The following PCCA variants were observed in gnomAD, a reference collection of about 807,000 sequenced individuals.
The protein encoded by PCCA is propionyl-CoA carboxylase alpha chain, mitochondrial.
PCCA carries 74 observed loss-of-function variants against 101.3 expected under a neutral mutation model. That is an observed-to-expected ratio of 0.73 (90% CI 0.61 to 0.89). The LOEUF (loss-of-function observed/expected upper bound fraction) is 0.89. Ranked by LOEUF, PCCA falls within the 40% of genes least tolerant of loss-of-function variation. The pLI, the probability that PCCA is intolerant of heterozygous loss-of-function variation, is 0.00. For missense variants in PCCA, 891 were observed against 907.0 expected (o/e 0.98, Z 0.23); for synonymous variants, 294 against 313.6 (o/e 0.94, Z 0.66).
rs779935866 is a variant in PCCA at position 100,368,533 on chromosome 13, G to C, written c.1705G>C (p.Val569Leu). 7 of 1,610,766 alleles carry C rather than the reference G, an allele frequency of 4.3e-6. No individual in the cohort carries two copies. Among genetic ancestry groups the C allele is most frequent in the Non-Finnish European group, 5.1e-6 (6 of 1,177,966 alleles). ...GCTCTCAGTAAAATTGCATGATAAA[G>C]TTCATACCGTAGTAGCATCAAACAA... ...WELSVKLHDKVHTVVASNNGS... is the reference protein window; with the variant it reads ...WELSVKLHDKLHTVVASNNGS... Residue 569 changes from valine (V) to leucine (L), a missense_variant, in exon 19 of 24, where the codon GTT becomes CTT. Val to Leu is a conservative substitution (Grantham distance 32, BLOSUM62 1). Coordinates refer to ENST00000376285, the MANE Select transcript of PCCA (RefSeq NM_000282.4).
At chr13:100,112,099 T>G in intron 4 of PCCA, 38 bp downstream of exon 4, 1 of 1,490,836 alleles carries the variant, frequency 6.7e-7, no homozygotes, top group Non-Finnish European at 9.3e-7. Context: ...CAGGACTTAA[T>G]TTTGGGTCAA....
At chr13:100,127,397 G>A (rs2050059901) in intron 4 of PCCA, among the ~76,000 whole-genome samples, 1 of 151,994 alleles carries the variant, frequency 6.6e-6, no homozygotes, top group South Asian at 2.1e-4. Flanking sequence ...GTGAAATATT[G>A]TATTAATATA....
At chr13:100,488,644 G>GT (rs1186017014) in intron 21 of PCCA, among the ~76,000 whole-genome samples, 3,695 of 64,800 alleles carry the variant, frequency 0.057, 156 homozygotes, top group African/African-American at 0.18. Context: ...TTTTTTTTTT[G>GT]TTTTTTTTTT....
At chr13:100,382,977 G>A (rs2076312819) in intron 19 of PCCA, among the ~76,000 whole-genome samples, 1 of 152,010 alleles carries the variant, frequency 6.6e-6, no homozygotes, top group African/African-American at 2.4e-5. Flanking sequence ...GTTCCTCTTG[G>A]GGGAGATGAC....
chr13:100,285,469 A>G (rs1014411983), intron 12 of PCCA, among the ~76,000 whole-genome samples: 2 of 152,192 alleles, frequency 1.3e-5, no homozygotes, highest in African/African-American at 4.8e-5. Context: ...TAGTAGCAAA[A>G]GGCTGGCCTC....
intron 21 of PCCA, among the ~76,000 whole-genome samples, chr13:100,509,046 T>G (rs1470341610): frequency 6.6e-6 from 1 of 152,176 alleles, no homozygotes; most frequent in Non-Finnish European, 1.5e-5. Flanking sequence ...CTCTGGACTT[T>G]CCCCTCCCAA....
intron 12 of PCCA, among the ~76,000 whole-genome samples, chr13:100,278,214 T>C (rs572960456): frequency 1.3e-5 from 2 of 152,360 alleles, no homozygotes; most frequent in East Asian, 3.9e-4. Flanking sequence ...GTGAAGACTT[T>C]ATTTTGTCAT....
chr13:100,093,253 C>T (rs553856065), intron 1 of PCCA, among the ~76,000 whole-genome samples: 44 of 152,128 alleles, frequency 2.9e-4, no homozygotes, highest in Admixed American at 1.4e-3. Context: ...GCCAGGGATA[C>T]GAGGCTAGAG....
At chr13:100,090,304 G>C (rs1051193342) in intron 1 of PCCA, among the ~76,000 whole-genome samples, 1 of 152,156 alleles carries the variant, frequency 6.6e-6, no homozygotes, top group East Asian at 1.9e-4. Context: ...CCAATTCAGC[G>C]TGCGGACTTT....
chr13:100,366,495 G>A (rs974502413), intron 18 of PCCA, among the ~76,000 whole-genome samples: 2 of 152,128 alleles, frequency 1.3e-5, no homozygotes, highest in African/African-American at 2.4e-5. Context: ...GAGCCCACAG[G>A]ACACTGGGAG....
At chr13:100,435,372 C>T (rs941578192) in intron 20 of PCCA, among the ~76,000 whole-genome samples, 1 of 152,180 alleles carries the variant, frequency 6.6e-6, no homozygotes, top group Non-Finnish European at 1.5e-5. Flanking sequence ...CCTGCCATGT[C>T]GAGAATCACA....
chr13:100,509,193 C>CT lies in PCCA; in HGVS notation c.1900-6234_1900-6233insT, dbSNP rs76999964. 2.9e-3 allele frequency among the ~76,000 whole-genome samples: 436 copies of CT among 152,304 alleles called. 18 individuals are homozygous for CT. In the East Asian group the frequency reaches 0.056, roughly 19 times the overall value. ...TCTCAAATGTGCACTTGCCAGTAGA[C>CT]GGATATGTTAACTGTTACCGTGACG... On this transcript the variant is annotated intron_variant, in intron 21 of 23. Coordinates refer to ENST00000376285, the MANE Select transcript of PCCA (RefSeq NM_000282.4).
At chr13:100,118,690 A>G (rs1220367262) in intron 4 of PCCA, among the ~76,000 whole-genome samples, 1 of 152,052 alleles carries the variant, frequency 6.6e-6, no homozygotes, top group Admixed American at 6.6e-5. Flanking sequence ...TTGTGACTAC[A>G]GGTGCATGCC....
At chr13:100,417,816 G>A (rs9518069) in intron 19 of PCCA, among the ~76,000 whole-genome samples, 3,634 of 152,112 alleles carry the variant, frequency 0.024, 73 homozygotes, top group Non-Finnish European at 0.037. Flanking sequence ...TAAAACCTTA[G>A]GGTAGTTTTG....
intron 18 of PCCA, among the ~76,000 whole-genome samples, chr13:100,351,018 G>A (rs1362372590): frequency 3.3e-5 from 5 of 152,072 alleles, no homozygotes; most frequent in African/African-American, 1.2e-4. Flanking sequence ...AGGCAATCAA[G>A]TTTTTATTTC....
intron 21 of PCCA, among the ~76,000 whole-genome samples, chr13:100,451,680 C>T (rs933692239): frequency 3.3e-5 from 5 of 151,608 alleles, no homozygotes; most frequent in African/African-American, 1.2e-4. Context: ...TTTCTCTCCT[C>T]TTCCTCTCTC....
chr13:100,185,837 G>T (rs1013666975), intron 6 of PCCA, among the ~76,000 whole-genome samples: 1 of 151,950 alleles, frequency 6.6e-6, no homozygotes, highest in South Asian at 2.1e-4. Context: ...AGTAGAGATG[G>T]GGTTTCTCCA....
At chr13:100,509,987 G>A (rs1489567875) in intron 21 of PCCA, among the ~76,000 whole-genome samples, 3 of 152,160 alleles carry the variant, frequency 2.0e-5, no homozygotes, top group African/African-American at 7.2e-5. Context: ...AAACCCAGAT[G>A]AGGAGCTCTG....
chr13:100,398,596 C>CT (rs575806487), intron 19 of PCCA, among the ~76,000 whole-genome samples: 5 of 152,132 alleles, frequency 3.3e-5, no homozygotes, highest in Non-Finnish European at 4.4e-5. Flanking sequence ...AAGCATTGTT[C>CT]TGTTAATGAA....
Sources: gnomAD v4.1 joint callset for allele counts (sites outside exome capture counted in the v4.1 genomes callset) on GRCh38, gnomAD v4.1.1 for gene constraint, MANE v1.5 for transcripts, NCBI Gene and HGNC (gene_info 2026-07-23, HGNC 2026-07-21) for gene names.